The following FZD3 variants were observed in gnomAD, a reference collection of about 807,000 sequenced individuals.
The protein encoded by FZD3 is frizzled-3.
A neutral mutation model predicts 60.7 loss-of-function variants in FZD3; 30 were observed. The ratio of observed to expected loss-of-function variants is 0.49; its 90% CI spans 0.37 to 0.67. The LOEUF (loss-of-function observed/expected upper bound fraction) is 0.67. Among genes scored for constraint, FZD3 ranks in the 30% least tolerant of loss-of-function variants. FZD3 has a pLI of 0.00. For synonymous variants in FZD3, 246 were observed against 275.2 expected (o/e 0.89, Z 1.05); for missense variants, 605 against 838.7 (o/e 0.72, Z 3.44).
chr8:28,540,337 C>T (rs7845211), intron 5 of FZD3, among the ~76,000 whole-genome samples: 80,723 of 151,862 alleles, frequency 0.53, 21,983 homozygotes, highest in South Asian at 0.63. Flanking sequence ...TCAAGCTATT[C>T]TCATGTCTCA....
chr8:28,555,409 CT>C (rs908828485), intron 6 of FZD3, among the ~76,000 whole-genome samples: 14 of 152,260 alleles, frequency 9.2e-5, no homozygotes, highest in African/African-American at 3.1e-4. Context: ...AAATTGTATA[CT>C]TTCATTTTAC....
chr8:28,552,066 A>G (rs1049301629), intron 6 of FZD3, among the ~76,000 whole-genome samples: 2 of 152,216 alleles, frequency 1.3e-5, no homozygotes, highest in Admixed American at 6.5e-5. Context: ...TTTTCTCTAC[A>G]TTCTTATCTG....
rs1166294661 is a variant in FZD3 at position 28,567,420 on chromosome 8, C to CA, written c.*4410dup. The CA allele has an allele frequency of 6.6e-6, 1 of 152,306 alleles. No individual in the cohort carries two copies. The highest frequency in any genetic ancestry group is 1.5e-5 in the Non-Finnish European group (1 of 68,142). The allele number at this position is 152,306 out of a possible 1,614,324, so 9.4% of individuals were successfully genotyped here. ...TCAGCCTCCCAAAGTGCTAGGATTA[C>CA]AGGCATGAGTCACTGCACCTGGCTT... On this transcript the variant is annotated 3_prime_UTR_variant, in exon 8 of 8. Coordinates refer to ENST00000240093, the MANE Select transcript of FZD3 (RefSeq NM_017412.4).
At chr8:28,503,403 T>A (rs1309009878) in intron 3 of FZD3, among the ~76,000 whole-genome samples, 1 of 152,208 alleles carries the variant, frequency 6.6e-6, no homozygotes, top group Non-Finnish European at 1.5e-5. Context: ...GTTACTCTTA[T>A]ATTTTAGACA....
At position 28,494,311 on chromosome 8, in the gene FZD3, C is replaced by CCCCG; in HGVS notation, c.-421_-420insCGCC. The CCCCG allele has an allele frequency of 6.6e-6, 1 of 151,790 alleles. No individual in the cohort carries two copies. Among genetic ancestry groups the CCCCG allele is most frequent in the South Asian group, 2.1e-4 (1 of 4,814 alleles). 9.4% of individuals were successfully genotyped at this position (151,790 alleles called of 1,614,324 possible). On this transcript the variant is annotated 5_prime_UTR_variant, in exon 1 of 8. Coordinates refer to ENST00000240093, the MANE Select transcript of FZD3 (RefSeq NM_017412.4). ...CGCCCGCGGCAGGCGGTGCAGCCCC[C>CCCCG]CCACCCCTTGGAGCCAGGCGCCGGG...
Position 28,555,923 on chromosome 8 carries a change from G to A in FZD3, c.1739G>A (p.Ser580Asn), listed in dbSNP as rs761656864. The change falls in exon 7 of 8, where the codon AGC becomes AAC. Residue 580 changes from serine to asparagine, a missense_variant. Ser to Asn is a conservative substitution (Grantham distance 46). Transcript: ENST00000240093. ...AGAAGCAAAGCAGGAAGCATCCACAGCAAAGTGAGCAGCTACCACGGCAGC... is the reference window on the plus strand; with the variant it reads ...AGAAGCAAAGCAGGAAGCATCCACAACAAAGTGAGCAGCTACCACGGCAGC... ...DQRSKAGSIH[S>N]KVSSYHGSLH... 9 of 1,613,964 alleles carry A rather than the reference G, an allele frequency of 5.6e-6. No homozygotes were observed. Among genetic ancestry groups the A allele is most frequent in the Non-Finnish European group, 7.6e-6 (9 of 1,179,874 alleles).
At chr8:28,559,820 C>T (rs1282398811) in intron 7 of FZD3, among the ~76,000 whole-genome samples, 1 of 152,224 alleles carries the variant, frequency 6.6e-6, no homozygotes. Context: ...CTAATCATCT[C>T]ATGGTATCTT....
At chr8:28,543,985 C>A (rs529987862) in intron 5 of FZD3, among the ~76,000 whole-genome samples, 6 of 152,018 alleles carry the variant, frequency 3.9e-5, no homozygotes, top group African/African-American at 1.4e-4. Flanking sequence ...TTCTTCAGGA[C>A]TTCTCAGAAC....
chr8:28,549,794 A>G (rs1007933194), intron 5 of FZD3, among the ~76,000 whole-genome samples: 2 of 152,204 alleles, frequency 1.3e-5, no homozygotes, highest in African/African-American at 2.4e-5. Context: ...GAATACTTCT[A>G]TCAAATGCCT....
chr8:28,517,060 C>T (rs1445314743), intron 3 of FZD3, among the ~76,000 whole-genome samples: 1 of 152,106 alleles, frequency 6.6e-6, no homozygotes, highest in African/African-American at 2.4e-5. Context: ...TTTTGTTGCT[C>T]TTAATTCATT....
intron 3 of FZD3, among the ~76,000 whole-genome samples, chr8:28,513,463 C>T (rs1804341688): frequency 1.3e-5 from 2 of 152,132 alleles, no homozygotes; most frequent in South Asian, 4.1e-4. Context: ...TATGCTATCA[C>T]AGAACATTTT....
At chr8:28,500,902 A>G (rs888995145) in intron 2 of FZD3, among the ~76,000 whole-genome samples, 1 of 152,120 alleles carries the variant, frequency 6.6e-6, no homozygotes, top group African/African-American at 2.4e-5. Context: ...CTGGGACTAC[A>G]GGCGCCTGCC....
intron 3 of FZD3, among the ~76,000 whole-genome samples, chr8:28,512,554 C>T (rs753176499): frequency 1.3e-5 from 2 of 151,786 alleles, no homozygotes; most frequent in African/African-American, 2.4e-5. Context: ...CTGTAAGGAA[C>T]ACATTATGCT....
intron 4 of FZD3, among the ~76,000 whole-genome samples, chr8:28,522,766 T>A (rs936410029): frequency 1.5e-5 from 2 of 137,320 alleles, no homozygotes; most frequent in Non-Finnish European, 3.1e-5. Flanking sequence ...AAGGGAACTT[T>A]CTTTTTTTTT....
chr8:28,517,068 A>G (rs1804449429), intron 3 of FZD3, among the ~76,000 whole-genome samples: 2 of 152,100 alleles, frequency 1.3e-5, no homozygotes, highest in African/African-American at 4.8e-5. Context: ...CTCTTAATTC[A>G]TTTTTAATTT....
At chr8:28,509,909 A>T (rs1484765386) in intron 3 of FZD3, among the ~76,000 whole-genome samples, 1 of 152,172 alleles carries the variant, frequency 6.6e-6, no homozygotes, top group Non-Finnish European at 1.5e-5. Context: ...ATAAATGTAC[A>T]ATCTGAGTTC....
At chr8:28,560,218 G>A (rs1401316104) in intron 7 of FZD3, among the ~76,000 whole-genome samples, 1 of 106,848 alleles carries the variant, frequency 9.4e-6, no homozygotes, top group Non-Finnish European at 1.9e-5. Flanking sequence ...ACTTTGGAAG[G>A]CACTGTAGTA....
chr8:28,507,004 T>C (rs1055117297), intron 3 of FZD3, among the ~76,000 whole-genome samples: 17 of 152,180 alleles, frequency 1.1e-4, no homozygotes, highest in Admixed American at 2.0e-4. Context: ...TGAAACAAAT[T>C]TCGTATATCA....
Position 28,570,797 on chromosome 8 carries a change from A to G in FZD3, c.*7786A>G, listed in dbSNP as rs1403372197. 1 of 152,116 alleles carries G rather than the reference A, an allele frequency of 6.6e-6. No homozygotes were observed. Among genetic ancestry groups the G allele is most frequent in the Non-Finnish European group, 1.5e-5 (1 of 68,020 alleles). The allele number at this position is 152,116 out of a possible 1,614,324, so 9.4% of individuals were successfully genotyped here. A position where few individuals can be genotyped will look rare whatever the true frequency, so the allele number is the denominator to read the frequency against. On this transcript the variant is annotated 3_prime_UTR_variant, in exon 8 of 8. Coordinates refer to ENST00000240093, the MANE Select transcript of FZD3 (RefSeq NM_017412.4). ...ACATTAGCTCATATCAGTCTTTTGA[A>G]CACTGGTTCAAATCTGGGTGTTGGG...
Sources: allele counts gnomAD v4.1 joint callset (sites outside exome capture counted in the v4.1 genomes callset), GRCh38; gene constraint gnomAD v4.1.1; transcripts MANE v1.5; gene names NCBI Gene and HGNC (gene_info 2026-07-23, HGNC 2026-07-21).